The following RPRD1B variants were observed in gnomAD, a reference collection of about 807,000 sequenced individuals.
RPRD1B encodes the protein regulation of nuclear pre-mRNA domain containing 1B, also known as regulation of nuclear pre-mRNA domain-containing protein 1B.
In RPRD1B, 11 loss-of-function variants were observed where a neutral mutation model predicts 41.5. The ratio of observed to expected loss-of-function variants is 0.27; its 90% CI spans 0.17 to 0.44. The LOEUF (loss-of-function observed/expected upper bound fraction) is 0.44. RPRD1B is among the 20% of genes least tolerant of loss of function. The pLI, the probability that RPRD1B is intolerant of heterozygous loss-of-function variation, is 1.00. For missense variants in RPRD1B, 248 were observed against 389.9 expected (o/e 0.64, Z 3.06); for synonymous variants, 158 against 155.6 (o/e 1.02, Z -0.12).
intron 3 of RPRD1B, among the ~76,000 whole-genome samples, chr20:38,055,848 G>T (rs1878044472): frequency 6.6e-6 from 1 of 152,182 alleles, no homozygotes; most frequent in South Asian, 2.1e-4. Context: ...CTTCAAGAAT[G>T]ATGTGATTGG....
At chr20:38,040,247 CT>C (rs11477093) in intron 1 of RPRD1B, among the ~76,000 whole-genome samples, 187 bp from the exon 2 acceptor site, 86,307 of 147,326 alleles carry the variant, frequency 0.59, 27,411 homozygotes, top group African/African-American at 0.86. Context: ...TTTTCTTTTT[CT>C]TTTTTTTTTT....
chr20:38,059,306 A>T, intron 4 of RPRD1B, 88 bp from the exon 5 acceptor site: 2 of 1,352,710 alleles, frequency 1.5e-6, no homozygotes, highest in Non-Finnish European at 2.0e-6. Context: ...CTGTTTTTAG[A>T]ATTTGCCTCC....
chr20:38,085,591 G>A (rs1181739469), intron 6 of RPRD1B: 4 of 152,330 alleles, frequency 2.6e-5, no homozygotes, highest in Non-Finnish European at 5.9e-5. Flanking sequence ...AGGAGTAGCT[G>A]AGGAGCCCCG....
intron 6 of RPRD1B, among the ~76,000 whole-genome samples, chr20:38,083,083 T>A (rs559237079): frequency 2.6e-4 from 40 of 152,382 alleles, no homozygotes; most frequent in Admixed American, 7.8e-4. Flanking sequence ...CCTTTGTCTG[T>A]ACCTTTGATG....
At chr20:38,068,793 TG>T (rs1203536391) in intron 6 of RPRD1B, among the ~76,000 whole-genome samples, 3 of 152,348 alleles carry the variant, frequency 2.0e-5, no homozygotes, top group Admixed American at 2.0e-4. Flanking sequence ...ATCCCTATGG[TG>T]GTGGCCGAAC....
chr20:38,061,478 A>G (rs1164572374), intron 5 of RPRD1B, among the ~76,000 whole-genome samples: 2 of 152,270 alleles, frequency 1.3e-5, no homozygotes, highest in East Asian at 1.9e-4. Flanking sequence ...GCTCCTTCTC[A>G]TCTAGCCAAG....
intron 3 of RPRD1B, among the ~76,000 whole-genome samples, chr20:38,051,596 C>T (rs891423916): frequency 6.6e-6 from 1 of 152,182 alleles, no homozygotes; most frequent in Non-Finnish European, 1.5e-5. Flanking sequence ...CAGGTCTATA[C>T]GACTTTAAAG....
chr20:38,061,434 A>G (rs925867839), intron 5 of RPRD1B, among the ~76,000 whole-genome samples: 4 of 150,632 alleles, frequency 2.7e-5, no homozygotes, highest in African/African-American at 7.3e-5. Context: ...TGGACATGCT[A>G]TTTTCTAAAC....
In RPRD1B at chr20:38,059,244, C is replaced by T. The variant is rs1279361200; in HGVS notation, c.529-150C>T. 6.0e-6 allele frequency: 4 copies of T among 665,934 alleles called. No individual in the cohort carries two copies. The East Asian group carries it at 1.3e-4, about 21-fold the overall frequency. The allele number at this position is 665,934 out of a possible 1,614,324, so 41.3% of individuals were successfully genotyped here. On this transcript the variant is annotated intron_variant, in intron 4 of 6. Transcript: ENST00000373433. Reference sequence around the variant, plus strand: ...TCTTAGAGTCCGTGACATTGACTTACATGTAAGCTCTGGGGCTAAGAACAG... The same window carrying T: ...TCTTAGAGTCCGTGACATTGACTTATATGTAAGCTCTGGGGCTAAGAACAG...
intron 5 of RPRD1B, 197 bp from the exon 6 acceptor site, chr20:38,065,884 G>A: frequency 2.0e-6 from 1 of 494,856 alleles, no homozygotes; most frequent in Non-Finnish European, 3.6e-6. Flanking sequence ...AGGTAATTGA[G>A]TAGTGTCCTG....
intron 1 of RPRD1B, among the ~76,000 whole-genome samples, chr20:38,038,497 T>TG (rs1600675223): frequency 7.6e-6 from 1 of 131,032 alleles, no homozygotes; most frequent in Non-Finnish European, 1.6e-5. Context: ...TTTGTTTTTT[T>TG]TTTTTTTTTT....
At position 38,077,640 on chromosome 20, in the gene RPRD1B, A is replaced by G. The variant is rs148570062; in HGVS notation, c.831+11384A>G. 8.3e-3 allele frequency among the ~76,000 whole-genome samples: 1,269 copies of G among 152,028 alleles called. 10 individuals are homozygous for G. Among genetic ancestry groups the G allele is most frequent in the African/African-American group, 0.025 (1,040 of 41,438 alleles). On this transcript the variant is annotated intron_variant, in intron 6 of 6. Transcript: ENST00000373433. ...GGTTTTTGCTCCCTCTCAATTTTTCATGAATCTGCCTCCCTTCTCTGCGTC... is the reference window on the plus strand; with the variant it reads ...GGTTTTTGCTCCCTCTCAATTTTTCGTGAATCTGCCTCCCTTCTCTGCGTC...
rs551032997 is a variant in RPRD1B at position 38,092,001 on chromosome 20, T to C, written c.*2126T>C. Reference sequence around the variant, plus strand: ...TGAAATGCTTTCGTTTTTTAAATCTTAATTCTGCTGTCCACATCCTCCCAA... The same window carrying C: ...TGAAATGCTTTCGTTTTTTAAATCTCAATTCTGCTGTCCACATCCTCCCAA... On this transcript the variant is annotated 3_prime_UTR_variant, in exon 7 of 7. Transcript: ENST00000373433. 137 of 985,866 alleles carry C rather than the reference T, an allele frequency of 1.4e-4. No individual in the cohort carries two copies. In the African/African-American group the frequency reaches 2.3e-3, roughly 17 times the overall value. The allele number at this position is 985,866 out of a possible 1,614,324, so 61.1% of individuals were successfully genotyped here.
chr20:38,038,199 G>A (rs572943186), intron 1 of RPRD1B, among the ~76,000 whole-genome samples: 1 of 151,992 alleles, frequency 6.6e-6, no homozygotes, highest in African/African-American at 2.4e-5. Context: ...ACAATTCAGG[G>A]TATCCATATT....
At chr20:38,081,779 C>T (rs1036153911) in intron 6 of RPRD1B, among the ~76,000 whole-genome samples, 5 of 152,094 alleles carry the variant, frequency 3.3e-5, no homozygotes, top group Admixed American at 6.6e-5. Context: ...TGAATTGTAT[C>T]GAAAGCCTTT....
Position 38,091,272 on chromosome 20 carries a change from C to T in RPRD1B, c.*1397C>T. 2.0e-6 allele frequency: 2 copies of T among 985,698 alleles called. No individual in the cohort carries two copies. The highest frequency in any genetic ancestry group is 2.4e-6 in the Non-Finnish European group (2 of 829,834). The allele number at this position is 985,698 out of a possible 1,614,324, so 61.1% of individuals were successfully genotyped here. On this transcript the variant is annotated 3_prime_UTR_variant, in exon 7 of 7. Transcript: ENST00000373433. ...TTGTAATCTCCATTAATTTGTGTTGCTACTTCCAGGATCACCAAAAATTAC... is the reference window on the plus strand; with the variant it reads ...TTGTAATCTCCATTAATTTGTGTTGTTACTTCCAGGATCACCAAAAATTAC...
chr20:38,079,917 A>G (rs6097677), intron 6 of RPRD1B, among the ~76,000 whole-genome samples: 13,859 of 152,046 alleles, frequency 0.091, 836 homozygotes, highest in East Asian at 0.32. Context: ...AGCCATTCTG[A>G]TTGGTATGAG....
At position 38,089,817 on chromosome 20, in the gene RPRD1B, A is replaced by G. The variant is rs1446642232; in HGVS notation, c.923A>G (p.Asn308Ser). ...QSLPDLSLLP[N>S]VTGGLAPLPS... ...TTGCCAGACCTCTCACTGCTGCCCA[A>G]CGTCACAGGGGGCTTAGCCCCCCTG... Residue 308 changes from asparagine to serine, a missense_variant, in exon 7 of 7, where the codon AAC (asparagine) becomes AGC (serine). By Grantham distance (46) the Asn-to-Ser change is conservative. This residue lies in a region of RPRD1B where 93 missense variants were observed against 167.2 expected (regional missense o/e 0.56). Coordinates refer to ENST00000373433, the MANE Select transcript of RPRD1B (RefSeq NM_021215.4). The G allele has an allele frequency of 2.5e-6, 4 of 1,614,202 alleles. No homozygotes were observed. The highest frequency in any genetic ancestry group is 4.5e-5 in the East Asian group (2 of 44,880).
At chr20:38,047,649 T>C (rs901917348) in intron 2 of RPRD1B, among the ~76,000 whole-genome samples, 2 of 152,102 alleles carry the variant, frequency 1.3e-5, no homozygotes, top group Non-Finnish European at 2.9e-5. Flanking sequence ...TCTCAGTGAG[T>C]GCTAGTTATA....
Sources: allele counts gnomAD v4.1 joint callset (sites outside exome capture counted in the v4.1 genomes callset), GRCh38; gene constraint gnomAD v4.1.1; regional missense constraint gnomAD v4.1.1; transcripts MANE v1.5; gene names NCBI Gene and HGNC (gene_info 2026-07-23, HGNC 2026-07-21).